Variants in LMO7 observed in about 807,000 individuals in gnomAD.
LMO7 encodes LIM domain only protein 7.
A neutral mutation model predicts 206.5 loss-of-function variants in LMO7; 120 were observed. The ratio of observed to expected loss-of-function variants is 0.58; its 90% confidence interval spans 0.50 to 0.68. The LOEUF is 0.68. LMO7 is among the 30% of genes least tolerant of loss of function. The pLI, the probability that LMO7 is intolerant of heterozygous loss-of-function variation, is 0.00. For synonymous variants in LMO7, 706 were observed against 681.5 expected (o/e 1.04, Z -0.56); for missense variants, 1,959 against 1,957.9 (o/e 1.00, Z -0.01).
At chr13:75,821,674 A>C in intron 14 of LMO7, 65 bp downstream of exon 14, 1 of 1,161,780 alleles carries the variant, frequency 8.6e-7, no homozygotes, top group Non-Finnish European at 1.2e-6. Context: ...ACTTGTGCAG[A>C]GGTTGGGGTT....
rs150972843 is a variant in LMO7, at chr13:75,804,497, T to C, written c.870T>C (p.Ser290=). ...ACAAACATGAGGATAACAGAAGAAGTTGGGCAAGCCCGGTTTATACAGAAG... is the reference window on the plus strand; with the variant it reads ...ACAAACATGAGGATAACAGAAGAAGCTGGGCAAGCCCGGTTTATACAGAAG... ...KPDKHEDNRR[S]WASPVYTEAD... The change falls in exon 8 of 31, where the codon AGT becomes AGC. Residue 290 remains serine, a synonymous_variant. Coordinates refer to ENST00000377534, the MANE Select transcript of LMO7 (RefSeq NM_001306080.2). 6.2e-4 allele frequency: 1,002 copies of C among 1,614,162 alleles called. 2 individuals are homozygous for C. The highest frequency in any genetic ancestry group is 7.4e-4 in the Non-Finnish European group (873 of 1,180,000).
intron 2 of LMO7, among the ~76,000 whole-genome samples, chr13:75,720,836 A>G (rs2043963140): frequency 6.6e-6 from 1 of 152,220 alleles, no homozygotes; most frequent in South Asian, 2.1e-4. Context: ...ATTCAAAATT[A>G]CTACCATAGA....
chr13:75,754,668 A>G (rs556466098), intron 3 of LMO7, among the ~76,000 whole-genome samples: 67 of 152,338 alleles, frequency 4.4e-4, no homozygotes, highest in African/African-American at 1.4e-3. Flanking sequence ...GATGAATTCA[A>G]CTTTGGGTCC....
At chr13:75,691,665 T>C (rs776011304) in intron 1 of LMO7, among the ~76,000 whole-genome samples, 46 of 152,336 alleles carry the variant, frequency 3.0e-4, no homozygotes, top group Non-Finnish European at 6.5e-4. Flanking sequence ...TGATGTTTCC[T>C]CTGTACCCTA....
At chr13:75,673,043 A>G (rs9544017) in intron 1 of LMO7, among the ~76,000 whole-genome samples, 62,349 of 152,038 alleles carry the variant, frequency 0.41, 13,998 homozygotes, top group Middle Eastern at 0.53. Flanking sequence ...TCTCATTCCT[A>G]GAGTACAAAA....
chr13:75,684,697 G>A (rs1054740661), intron 1 of LMO7, among the ~76,000 whole-genome samples: 1 of 152,080 alleles, frequency 6.6e-6, no homozygotes, highest in Non-Finnish European at 1.5e-5. Context: ...CATAGCTAGA[G>A]AGTGGCAGGG....
intron 3 of LMO7, among the ~76,000 whole-genome samples, chr13:75,752,154 C>G (rs772911088): frequency 6.6e-6 from 1 of 151,788 alleles, no homozygotes; most frequent in Admixed American, 6.6e-5. Context: ...TTATTTTTGA[C>G]AGAGTCTCCC....
chr13:75,677,971 C>A (rs2040165817), intron 1 of LMO7, among the ~76,000 whole-genome samples: 1 of 152,072 alleles, frequency 6.6e-6, no homozygotes, highest in Non-Finnish European at 1.5e-5. Flanking sequence ...ATGACATGAA[C>A]TCATCATTTT....
chr13:75,779,360 A>G (rs1163024654), intron 4 of LMO7, among the ~76,000 whole-genome samples: 2 of 152,108 alleles, frequency 1.3e-5, no homozygotes. Context: ...AACTCATTCA[A>G]TTCATTAGTT....
chr13:75,847,711 T>C (rs1333350580), intron 26 of LMO7, among the ~76,000 whole-genome samples: 1 of 152,226 alleles, frequency 6.6e-6, no homozygotes, highest in East Asian at 1.9e-4. Context: ...GAAGAAAAAC[T>C]ATGTCTAGAT....
At chr13:75,678,827 G>C (rs1594229260) in intron 1 of LMO7, among the ~76,000 whole-genome samples, 1 of 152,202 alleles carries the variant, frequency 6.6e-6, no homozygotes, top group African/African-American at 2.4e-5. Flanking sequence ...TTTTAAGAGT[G>C]ATCTGTGTTC....
intron 19 of LMO7, among the ~76,000 whole-genome samples, chr13:75,837,667 T>C (rs1256902313): frequency 6.6e-6 from 1 of 152,210 alleles, no homozygotes; most frequent in Non-Finnish European, 1.5e-5. Flanking sequence ...TAGTATTTTG[T>C]TTTCTTTGAT....
rs559278684 is a variant in LMO7 at position 75,750,665 on chromosome 13, G to T, written c.211-10267G>T. Among the ~76,000 whole-genome samples, 7 of 152,262 alleles carry T rather than the reference G, an allele frequency of 4.6e-5. No homozygotes were observed. The East Asian group carries it at 1.4e-3, about 29-fold the overall frequency. On this transcript the variant is annotated intron_variant, in intron 3 of 30. Coordinates refer to ENST00000377534, the MANE Select transcript of LMO7 (RefSeq NM_001306080.2). The stretch of plus-strand genomic sequence containing the variant: ...CCCTGCCTTGGCCTCCCAAAGTGCT[G>T]GGATTAGAGGCATGAACCACCACTG...
chr13:75,724,192 C>T (rs754968719), intron 2 of LMO7, among the ~76,000 whole-genome samples: 1 of 152,132 alleles, frequency 6.6e-6, no homozygotes, highest in Non-Finnish European at 1.5e-5. Context: ...AGAGAAATTG[C>T]AGGCCAAAAC....
chr13:75,696,413 G>C (rs1411241897), intron 1 of LMO7, among the ~76,000 whole-genome samples: 1 of 152,114 alleles, frequency 6.6e-6, no homozygotes, highest in Non-Finnish European at 1.5e-5. Context: ...GCTGTGAGAT[G>C]AGATGATGAT....
Position 75,652,866 on chromosome 13 carries a change from G to A in LMO7, c.69+16140G>A, listed in dbSNP as rs116295314. Among the ~76,000 whole-genome samples the A allele has an allele frequency of 3.3e-3, 509 of 152,192 alleles. 4 individuals are homozygous for A. The highest frequency in any genetic ancestry group is 0.012 in the African/African-American group (493 of 41,514). ...TGAGTCAAAACTGAAATCATGAATT[G>A]AAGGGATAGGGAATGTAGGACAAGC... On this transcript the variant is annotated intron_variant, in intron 1 of 30. Transcript: ENST00000377534.
chr13:75,753,316 T>C (rs1056604452), intron 3 of LMO7, among the ~76,000 whole-genome samples: 1 of 152,226 alleles, frequency 6.6e-6, no homozygotes, highest in Non-Finnish European at 1.5e-5. Context: ...CAGTCTGCTG[T>C]TGGATGTATA....
Position 75,636,508 on chromosome 13 carries a change from G to GAA in LMO7, c.-149_-148dup. The GAA allele has an allele frequency of 6.7e-7, 1 of 1,501,748 alleles. No homozygotes were observed. The highest frequency in any genetic ancestry group is 8.8e-7 in the Non-Finnish European group (1 of 1,134,270). The allele number at this position is 1,501,748 out of a possible 1,614,324, so 93.0% of individuals were successfully genotyped here. A position where few individuals can be genotyped will look rare whatever the true frequency, so the allele number is the denominator to read the frequency against. ...AACGAACTGCAGAGCGCAACAAAGG[G>GAA]AACTAGAGCCCCGGCGCCTTCGCAG... On this transcript the variant is annotated 5_prime_UTR_variant, in exon 1 of 31. Transcript: ENST00000377534.
At chr13:75,661,583 A>C (rs552728432) in intron 1 of LMO7, among the ~76,000 whole-genome samples, 1 of 152,180 alleles carries the variant, frequency 6.6e-6, no homozygotes, top group Non-Finnish European at 1.5e-5. Flanking sequence ...GAAAAAGTAG[A>C]TAAGTCACCA....
Sources: allele counts gnomAD v4.1 joint callset (sites outside exome capture counted in the v4.1 genomes callset), GRCh38; gene constraint gnomAD v4.1.1; transcripts MANE v1.5; gene names NCBI Gene and HGNC (gene_info 2026-07-23, HGNC 2026-07-21).